Variants in MAMDC2 observed in about 807,000 individuals in gnomAD.
MAMDC2 encodes the protein MAM domain containing 2, also known as MAM domain-containing protein 2.
In MAMDC2, 57 loss-of-function variants were observed where a neutral mutation model predicts 89.8. The ratio of observed to expected loss-of-function variants is 0.63; its 90% CI spans 0.51 to 0.79. The LOEUF is 0.79. MAMDC2 is among the 30% of genes least tolerant of loss of function. The pLI, the probability that MAMDC2 is intolerant of heterozygous loss-of-function variation, is 0.00. For missense variants in MAMDC2, 800 were observed against 820.6 expected, an observed-to-expected ratio of 0.97 and a Z score of 0.31; for synonymous variants, 313 against 293.4, an observed-to-expected ratio of 1.07 and a Z score of -0.68.
intron 12 of MAMDC2, among the ~76,000 whole-genome samples, chr9:70,222,392 G>A (rs995161092): frequency 6.6e-6 from 1 of 152,190 alleles, no homozygotes; most frequent in Non-Finnish European, 1.5e-5. Flanking sequence ...ACACAGTTAG[G>A]GAAGTAAATG....
chr9:70,170,739 A>G, intron 11 of MAMDC2, 108 bp downstream of exon 11: 1 of 1,003,426 alleles, frequency 1.0e-6, no homozygotes, highest in East Asian at 2.7e-5. Flanking sequence ...TGTGTCTATA[A>G]TGAAATGCAC....
In MAMDC2 at chr9:70,108,193, G is replaced by T; in HGVS notation, c.149-18G>T. The T allele has an allele frequency of 1.3e-6, 2 of 1,537,156 alleles. No individual in the cohort carries two copies. The highest frequency in any genetic ancestry group is 1.7e-6 in the Non-Finnish European group (2 of 1,144,478). Reference sequence around the variant, plus strand: ...AAACAAAAATTGATCCTTTTCCTATGTTCCTTTCTCTTTCCAGGCCATTAC... The same window carrying T: ...AAACAAAAATTGATCCTTTTCCTATTTTCCTTTCTCTTTCCAGGCCATTAC... On this transcript the variant is annotated intron_variant, in intron 2 of 13. Coordinates refer to ENST00000377182, the MANE Select transcript of MAMDC2 (RefSeq NM_153267.5).
At chr9:70,105,255 A>T (rs1587474570) in intron 2 of MAMDC2, among the ~76,000 whole-genome samples, 2 of 152,196 alleles carry the variant, frequency 1.3e-5, no homozygotes, top group East Asian at 3.9e-4. Flanking sequence ...CCACAAGCAG[A>T]GATAACAAGT....
chr9:70,074,714 C>A lies in MAMDC2; in HGVS notation c.148+30017C>A, dbSNP rs182976536. 2.5e-4 allele frequency among the ~76,000 whole-genome samples: 38 copies of A among 152,284 alleles called. No individual in the cohort carries two copies. The East Asian group carries it at 6.6e-3, about 26-fold the overall frequency. ...TCCTCTTGCCTGACAAGTGTCTGTG[C>A]GCTTGAGGGAGCAACATAACATGGC... On this transcript the variant is annotated intron_variant, in intron 2 of 13. Transcript: ENST00000377182.
intron 7 of MAMDC2, among the ~76,000 whole-genome samples, chr9:70,137,842 A>G (rs1051633872): frequency 6.6e-6 from 1 of 152,170 alleles, no homozygotes; most frequent in Admixed American, 6.5e-5. Flanking sequence ...TAAGAGGGCA[A>G]TCTGAACAGT....
At chr9:70,048,796 G>A (rs2117968583) in intron 2 of MAMDC2, among the ~76,000 whole-genome samples, 1 of 152,302 alleles carries the variant, frequency 6.6e-6, no homozygotes, top group Middle Eastern at 3.4e-3. Context: ...TGGAGACCAT[G>A]CGGTTGGCCT....
chr9:70,221,380 T>TATATAGAGAGAGAGAGAG, intron 12 of MAMDC2, among the ~76,000 whole-genome samples: 1 of 7,044 alleles, frequency 1.4e-4, no homozygotes, highest in Non-Finnish European at 2.6e-4. Context: ...TATATATATA[T>TATATAGAGAGAGAGAGAG]AGAGAGAGAG....
intron 11 of MAMDC2, among the ~76,000 whole-genome samples, chr9:70,179,189 A>G (rs1034900215): frequency 1.2e-4 from 18 of 152,278 alleles, no homozygotes; most frequent in East Asian, 1.9e-4. Context: ...AAGACATTGG[A>G]GATCTATCTC....
intron 9 of MAMDC2, among the ~76,000 whole-genome samples, chr9:70,150,679 T>C (rs1053644970): frequency 1.3e-5 from 2 of 152,196 alleles, no homozygotes; most frequent in African/African-American, 4.8e-5. Context: ...TTTCCCTAAA[T>C]TCCAGACGAA....
At chr9:70,106,702 G>A (rs978332364) in intron 2 of MAMDC2, among the ~76,000 whole-genome samples, 2 of 152,216 alleles carry the variant, frequency 1.3e-5, no homozygotes, top group African/African-American at 2.4e-5. Context: ...CTCCACAAGG[G>A]TGCCTGGGTT....
At chr9:70,069,449 G>A (rs952146082) in intron 2 of MAMDC2, among the ~76,000 whole-genome samples, 5 of 152,140 alleles carry the variant, frequency 3.3e-5, no homozygotes, top group Middle Eastern at 3.2e-3. Context: ...CAAAGTTTTT[G>A]TGTATCAAAC....
At chr9:70,185,938 A>G (rs2032746325) in intron 11 of MAMDC2, among the ~76,000 whole-genome samples, 1 of 152,112 alleles carries the variant, frequency 6.6e-6, no homozygotes. Flanking sequence ...AAATGCAAAA[A>G]TCACTCGTCT....
At chr9:70,144,662 CA>C (rs2031339785) in intron 9 of MAMDC2, among the ~76,000 whole-genome samples, 1 of 152,144 alleles carries the variant, frequency 6.6e-6, no homozygotes, top group South Asian at 2.1e-4. Flanking sequence ...AGTGGTAGTT[CA>C]ATAAACATTG....
intron 2 of MAMDC2, chr9:70,071,631 GA>G (rs1403474291): frequency 6.6e-6 from 1 of 152,186 alleles, no homozygotes. Flanking sequence ...TAAAGCCAAA[GA>G]AAGAGTTTGC....
At chr9:70,117,519 A>T (rs2030062646) in intron 5 of MAMDC2, among the ~76,000 whole-genome samples, 1 of 152,164 alleles carries the variant, frequency 6.6e-6, no homozygotes, top group Non-Finnish European at 1.5e-5. Context: ...TGATGGGTTG[A>T]TGGGTGCAGC....
chr9:70,150,323 T>C (rs1338215989), intron 9 of MAMDC2, among the ~76,000 whole-genome samples: 1 of 152,232 alleles, frequency 6.6e-6, no homozygotes, highest in African/African-American at 2.4e-5. Flanking sequence ...AGCTTCATAT[T>C]GGCTGTTGTG....
chr9:70,174,046 C>G (rs1334883986), intron 11 of MAMDC2, among the ~76,000 whole-genome samples: 2 of 152,228 alleles, frequency 1.3e-5, no homozygotes, highest in Admixed American at 1.3e-4. Context: ...TTTAACCTCT[C>G]TAAGCCTATT....
At chr9:70,204,921 T>G (rs549488244) in intron 11 of MAMDC2, among the ~76,000 whole-genome samples, 6 of 152,316 alleles carry the variant, frequency 3.9e-5, no homozygotes, top group African/African-American at 1.4e-4. Flanking sequence ...AGCTCGCGCA[T>G]GGTGCGCACA....
intron 9 of MAMDC2, among the ~76,000 whole-genome samples, chr9:70,155,996 A>G (rs759976126): frequency 3.3e-5 from 5 of 152,206 alleles, no homozygotes; most frequent in Non-Finnish European, 5.9e-5. Flanking sequence ...AGCATTTACT[A>G]TGTAAATCAG....
Sources: allele counts gnomAD v4.1 joint callset (sites outside exome capture counted in the v4.1 genomes callset), GRCh38; gene constraint gnomAD v4.1.1; transcripts MANE v1.5; gene names NCBI Gene and HGNC (gene_info 2026-07-23, HGNC 2026-07-21).